Variants in HYDIN observed in about 807,000 individuals in gnomAD.
The protein encoded by HYDIN is HYDIN axonemal central pair apparatus protein, also known as axonemal central pair apparatus protein HYDIN.
Under a neutral mutation model 403.9 loss-of-function variants are expected in HYDIN, and 132 were observed. That is an observed-to-expected ratio of 0.33 (90% CI 0.28 to 0.38). HYDIN has a LOEUF of 0.38. Ranked by LOEUF, HYDIN falls within the 10% of genes least tolerant of loss-of-function variation. The probability of loss-of-function intolerance (pLI) is 1.00; values close to 1 mark genes in which losing one functional copy is unlikely to be tolerated. For missense variants in HYDIN, 2,827 were observed against 5,009.5 expected, an observed-to-expected ratio of 0.56 and a Z score of 13.15; for synonymous variants, 1,202 against 1,891.7, an observed-to-expected ratio of 0.64 and a Z score of 9.46.
At chr16:71,124,111 A>G (rs1460877548) in intron 9 of HYDIN, among the ~76,000 whole-genome samples, 1 of 151,090 alleles carries the variant, frequency 6.6e-6, no homozygotes, top group African/African-American at 2.4e-5. Context: ...CTGTTCGATC[A>G]CAAGGAAGAG....
chr16:71,180,363 T>C (rs956117970), intron 3 of HYDIN, among the ~76,000 whole-genome samples: 14 of 152,078 alleles, frequency 9.2e-5, no homozygotes, highest in Non-Finnish European at 1.8e-4. Context: ...ACAGAAATTA[T>C]ATCTGTAAAC....
rs931588812 is a variant in HYDIN at position 71,227,095 on chromosome 16, C to T, written c.-24+3467G>A. 6.6e-5 allele frequency among the ~76,000 whole-genome samples: 10 copies of T among 151,654 alleles called. No homozygotes were observed. The East Asian group carries it at 1.2e-3, about 18-fold the overall frequency. On this transcript the variant is annotated intron_variant, in intron 1 of 85. Transcript: ENST00000393567. Reference sequence around the variant, plus strand: ...GTGTCACATACTGGGAGAAATTATTCGCAAATTAAATATCTGACTTTTGTC... The same window carrying T: ...GTGTCACATACTGGGAGAAATTATTTGCAAATTAAATATCTGACTTTTGTC...
Position 70,829,801 on chromosome 16 carries a change from G to C in HYDIN, c.13929C>G (p.Ser4643=). 6.2e-7 allele frequency: 1 copy of C among 1,614,036 alleles called. No homozygotes were observed. Among genetic ancestry groups the C allele is most frequent in the Non-Finnish European group, 8.5e-7 (1 of 1,179,876 alleles). Reference sequence around the variant, plus strand: ...ACAGCAGGATGGTCTGCGTGTGCTTGGAGCGCACCTGGCACGTGAAATTCA... The same window carrying C: ...ACAGCAGGATGGTCTGCGTGTGCTTCGAGCGCACCTGGCACGTGAAATTCA... The part of the protein sequence containing the change: ...EVVNFTCQVR[S]KHTQTILLSN... Residue 4643 remains serine (S), a synonymous_variant, in exon 81 of 86, where the codon TCC becomes TCG. Coordinates refer to ENST00000393567, the MANE Select transcript of HYDIN (RefSeq NM_001270974.2).
chr16:71,135,392 AT>A, intron 8 of HYDIN, among the ~76,000 whole-genome samples: 1 of 146,958 alleles, frequency 6.8e-6, no homozygotes, highest in East Asian at 2.0e-4. Flanking sequence ...ATTGGTTTAA[AT>A]TTTTTTAGAG....
chr16:71,021,854 G>A (rs2080507841), intron 21 of HYDIN, among the ~76,000 whole-genome samples: 1 of 152,142 alleles, frequency 6.6e-6, no homozygotes, highest in Admixed American at 6.5e-5. Context: ...TCTATGCCTA[G>A]CACAGTCTTC....
chr16:71,177,607 C>A (rs535979244), intron 4 of HYDIN, among the ~76,000 whole-genome samples: 1 of 152,352 alleles, frequency 6.6e-6, no homozygotes, highest in East Asian at 1.9e-4. Context: ...CCAAATATAA[C>A]TGCAAGTCCA....
intron 23 of HYDIN, among the ~76,000 whole-genome samples, chr16:71,009,386 CTT>C (rs59977381): frequency 0.02 from 2,832 of 144,598 alleles, 49 homozygotes; most frequent in Middle Eastern, 0.079. Context: ...TTTTTCTTTT[CTT>C]TTTTTTTTTT....
At chr16:70,979,855 T>C (rs1277371794) in intron 29 of HYDIN, among the ~76,000 whole-genome samples, 3 of 151,828 alleles carry the variant, frequency 2.0e-5, no homozygotes, top group Non-Finnish European at 2.9e-5. Flanking sequence ...GCCCTGGAGG[T>C]GGAGGTTGCA....
rs144667949 is a variant in HYDIN at position 71,067,946 on chromosome 16, T to C, written c.1975-556A>G. Among the ~76,000 whole-genome samples the C allele has an allele frequency of 7.2e-5, 11 of 152,264 alleles. No individual in the cohort carries two copies. The East Asian group carries it at 1.4e-3, about 19-fold the overall frequency. Reference sequence around the variant, plus strand: ...CAAAGAAAGGTCTATTTGAGGATAATAGAACATGGTCAAACCATAAACAGA... The same window carrying C: ...CAAAGAAAGGTCTATTTGAGGATAACAGAACATGGTCAAACCATAAACAGA... On this transcript the variant is annotated intron_variant, in intron 14 of 85. Coordinates refer to ENST00000393567, the MANE Select transcript of HYDIN (RefSeq NM_001270974.2).
chr16:71,146,384 GA>G (rs1366045152), intron 7 of HYDIN, among the ~76,000 whole-genome samples: 1 of 117,482 alleles, frequency 8.5e-6, no homozygotes, highest in Non-Finnish European at 1.7e-5. Context: ...GATCCAGAGA[GA>G]AAAAAAATGT....
intron 1 of HYDIN, among the ~76,000 whole-genome samples, chr16:71,202,120 T>C (rs991756548): frequency 1.3e-5 from 2 of 152,194 alleles, no homozygotes; most frequent in Non-Finnish European, 2.9e-5. Flanking sequence ...ACTGGTAGGA[T>C]TTCAGGAGCA....
At chr16:71,089,291 C>A (rs1356960020) in intron 11 of HYDIN, among the ~76,000 whole-genome samples, 1 of 152,170 alleles carries the variant, frequency 6.6e-6, no homozygotes, top group Non-Finnish European at 1.5e-5. Flanking sequence ...CCTCAGTCTA[C>A]TGTCCCTACA....
chr16:70,884,680 TAAAACAAAACAAAAC>T (rs60100896), intron 58 of HYDIN, among the ~76,000 whole-genome samples: 3 of 146,274 alleles, frequency 2.1e-5, no homozygotes, highest in Non-Finnish European at 3.0e-5. Context: ...GAATTAGTGC[TAAAACAAAACAAAAC>T]AAAACAAAAC....
At chr16:70,917,148 CT>C (rs1393222555) in intron 47 of HYDIN, among the ~76,000 whole-genome samples, 3 of 152,182 alleles carry the variant, frequency 2.0e-5, no homozygotes, top group Admixed American at 2.0e-4. Flanking sequence ...TCTCAAACAT[CT>C]GGGCTCAAGC....
chr16:71,032,643 G>A (rs542379569), intron 18 of HYDIN, among the ~76,000 whole-genome samples: 5 of 117,560 alleles, frequency 4.3e-5, no homozygotes, highest in Middle Eastern at 3.9e-3. Context: ...TTGCTCCTAG[G>A]CTGAAAACCC....
chr16:70,904,808 G>C (rs1474432122), intron 50 of HYDIN, among the ~76,000 whole-genome samples: 1 of 151,102 alleles, frequency 6.6e-6, no homozygotes, highest in Non-Finnish European at 1.5e-5. Context: ...GGCCTCACTT[G>C]AGTAATTTTT....
chr16:70,949,480 A>G (rs1001499957), intron 41 of HYDIN, among the ~76,000 whole-genome samples: 2 of 151,808 alleles, frequency 1.3e-5, no homozygotes, highest in African/African-American at 4.8e-5. Flanking sequence ...CAAAAACAAG[A>G]AACAAAAAAA....
At chr16:70,846,485 G>A (rs1419034083) in intron 75 of HYDIN, among the ~76,000 whole-genome samples, 14 of 148,490 alleles carry the variant, frequency 9.4e-5, no homozygotes, top group Admixed American at 2.0e-4. Context: ...TTTGGAATAG[G>A]TGTGGTGTGG....
At chr16:70,843,054 T>C (rs1034720653) in intron 75 of HYDIN, among the ~76,000 whole-genome samples, 7 of 151,810 alleles carry the variant, frequency 4.6e-5, no homozygotes, top group Non-Finnish European at 1.0e-4. Flanking sequence ...TTCTTTTTTT[T>C]ATTATACTTT....
Sources: allele counts gnomAD v4.1 joint callset (sites outside exome capture counted in the v4.1 genomes callset), GRCh38; gene constraint gnomAD v4.1.1; transcripts MANE v1.5; gene names NCBI Gene and HGNC (gene_info 2026-07-23, HGNC 2026-07-21).